Variants in KCNT1 observed in about 807,000 individuals in gnomAD.
KCNT1 encodes the protein potassium channel subfamily T member 1.
Under a neutral mutation model 147.8 loss-of-function variants are expected in KCNT1, and 78 were observed. The observed-to-expected ratio is 0.53, with a 90% CI of 0.44 to 0.64. The LOEUF (loss-of-function observed/expected upper bound fraction) is 0.64, where lower values mean the gene tolerates loss of function less well. Ranked by LOEUF, KCNT1 falls within the 30% of genes least tolerant of loss-of-function variation. The pLI, the probability that KCNT1 is intolerant of heterozygous loss-of-function variation, is 0.00. For missense variants in KCNT1, 1,419 were observed against 1,750.3 expected, an observed-to-expected ratio of 0.81 and a Z score of 3.38; for synonymous variants, 867 against 748.8, an observed-to-expected ratio of 1.16 and a Z score of -2.58.
chr9:135,771,105 G>A lies in KCNT1; in HGVS notation c.2008+10G>A, dbSNP rs752453368. On this transcript the variant is annotated intron_variant, in intron 18 of 30. Transcript: ENST00000371757. ...ATCATCGCCTCCATGGGTGAGCCGGGACAGGCGCGCGGGACTCCCTGGGCC... is the reference window on the plus strand; with the variant it reads ...ATCATCGCCTCCATGGGTGAGCCGGAACAGGCGCGCGGGACTCCCTGGGCC... The A allele has an allele frequency of 2.5e-6, 4 of 1,605,292 alleles. No individual in the cohort carries two copies. The East Asian group carries it at 6.7e-5, about 27-fold the overall frequency.
intron 1 of KCNT1, among the ~76,000 whole-genome samples, chr9:135,708,871 C>T (rs539886440): frequency 2.6e-5 from 4 of 152,260 alleles, no homozygotes; most frequent in South Asian, 2.1e-4. Context: ...GAAGTCTTTG[C>T]GGGAAAGGAC....
chr9:135,718,830 C>T (rs983954713), intron 2 of KCNT1, among the ~76,000 whole-genome samples: 4 of 152,220 alleles, frequency 2.6e-5, no homozygotes, highest in Admixed American at 2.0e-4. Flanking sequence ...ACCACAGCCT[C>T]CATCGCCCGT....
At chr9:135,755,094 A>G (rs1210842777) in intron 5 of KCNT1, 27 bp from the exon 6 acceptor site, 2 of 1,596,922 alleles carry the variant, frequency 1.3e-6, no homozygotes, top group East Asian at 4.5e-5. Flanking sequence ...GTGGTGCCCT[A>G]CTGTGCTGCC....
chr9:135,774,145 GTGTGTCTGGGTGTGTGTGGTA>G (rs1257811248), intron 19 of KCNT1, among the ~76,000 whole-genome samples: 2 of 151,526 alleles, frequency 1.3e-5, no homozygotes, highest in African/African-American at 4.8e-5. Flanking sequence ...GATATGTGAT[GTGTGTCTGGGTGTGTGTGGTA>G]TGTGTCCGTG....
intron 4 of KCNT1, 67 bp downstream of exon 4, chr9:135,751,108 T>G (rs535592534): frequency 2.8e-5 from 41 of 1,439,530 alleles, no homozygotes; most frequent in Middle Eastern, 4.2e-4. Flanking sequence ...ACTGGGCCGT[T>G]ACAGAAGCTG....
intron 11 of KCNT1, among the ~76,000 whole-genome samples, chr9:135,763,510 C>T (rs909409975): frequency 2.6e-5 from 4 of 152,108 alleles, no homozygotes; most frequent in African/African-American, 9.7e-5. Context: ...AGGACAGAAT[C>T]GGAAGTGGAG....
At chr9:135,743,137 T>C (rs1011569120) in intron 2 of KCNT1, among the ~76,000 whole-genome samples, 9 of 152,024 alleles carry the variant, frequency 5.9e-5, no homozygotes, top group African/African-American at 2.2e-4. Flanking sequence ...GGCAGGCAGC[T>C]GCTGGGGCCT....
chr9:135,732,820 C>T (rs950950926), intron 2 of KCNT1, among the ~76,000 whole-genome samples: 3 of 151,546 alleles, frequency 2.0e-5, no homozygotes, highest in Non-Finnish European at 4.4e-5. Flanking sequence ...TCCTTTCCTT[C>T]TTCCTTCCCT....
At chr9:135,759,916 A>G (rs1016363655) in intron 11 of KCNT1, 57 bp downstream of exon 11, 3 of 1,485,698 alleles carry the variant, frequency 2.0e-6, no homozygotes, top group Non-Finnish European at 1.8e-6. Context: ...GGCGGGTGCC[A>G]GTAGAGGGAG....
intron 19 of KCNT1, 119 bp from the exon 20 acceptor site, chr9:135,775,191 C>T (rs1201235495): frequency 4.5e-6 from 3 of 663,454 alleles, no homozygotes; most frequent in Non-Finnish European, 7.6e-6. Context: ...TGCGTGACCC[C>T]GAGCAACGTG....
chr9:135,743,954 T>C (rs1267108115), intron 2 of KCNT1, among the ~76,000 whole-genome samples: 1 of 152,242 alleles, frequency 6.6e-6, no homozygotes, highest in Admixed American at 6.5e-5. Flanking sequence ...GCCCCAGGGT[T>C]GGCAGTGGGC....
chr9:135,776,392 G>A (rs1056113289), intron 20 of KCNT1, among the ~76,000 whole-genome samples: 1 of 151,958 alleles, frequency 6.6e-6, no homozygotes, highest in African/African-American at 2.4e-5. Flanking sequence ...CAAGTGGCTG[G>A]GAACACAGGC....
chr9:135,750,548 A>T (rs977227040), intron 3 of KCNT1: 28 of 373,584 alleles, frequency 7.5e-5, no homozygotes, highest in Admixed American at 3.5e-4. Context: ...CCTCCCCAAC[A>T]GCTCCCTGCC....
intron 22 of KCNT1, 57 bp from the exon 23 acceptor site, chr9:135,778,631 C>T: frequency 6.2e-7 from 1 of 1,608,824 alleles, no homozygotes; most frequent in Admixed American, 1.7e-5. Flanking sequence ...ATCCCGGGGT[C>T]CTGTGGGTGG....
rs547937784 is a variant in KCNT1, at chr9:135,715,000, T to C, written c.254+280T>C. On this transcript the variant is annotated intron_variant, in intron 2 of 30. Coordinates refer to ENST00000371757, the MANE Select transcript of KCNT1 (RefSeq NM_020822.3). This position sits in a 1 kb window ranked among gnomAD's most constrained non-coding sequence, Gnocchi z 6.2. ...CGCGGAGGCGGAGGGCGGCCTGGCC[T>C]TCCGGTGTCTGCTCCCAACCCCCAG... is the stretch of plus-strand genomic sequence containing the variant. Among the ~76,000 whole-genome samples the C allele has an allele frequency of 1.9e-4, 29 of 152,298 alleles. No individual in the cohort carries two copies. Among genetic ancestry groups the C allele is most frequent in the African/African-American group, 6.7e-4 (28 of 41,578 alleles).
At chr9:135,742,354 G>A (rs1369366637) in intron 2 of KCNT1, among the ~76,000 whole-genome samples, 1 of 152,248 alleles carries the variant, frequency 6.6e-6, no homozygotes, top group East Asian at 1.9e-4. Flanking sequence ...GTGCTGAGCA[G>A]GGCCAGGGCG....
intron 2 of KCNT1, among the ~76,000 whole-genome samples, chr9:135,738,006 G>C (rs111397470): frequency 2.8e-4 from 42 of 152,312 alleles, no homozygotes; most frequent in Non-Finnish European, 5.1e-4. Flanking sequence ...TGGGGGGAAG[G>C]GGGAGGGCAG....
intron 2 of KCNT1, among the ~76,000 whole-genome samples, chr9:135,722,176 C>A (rs758089967): frequency 6.6e-6 from 1 of 152,138 alleles, no homozygotes; most frequent in Non-Finnish European, 1.5e-5. Flanking sequence ...TCAGCCTGTG[C>A]GTCTTTATGA....
At position 135,759,396 on chromosome 9, in the gene KCNT1, AG is replaced by A. The variant is rs35933412; in HGVS notation, c.855-280del. Among the ~76,000 whole-genome samples, 19,801 of 152,280 alleles carry A rather than the reference AG, an allele frequency of 0.13. 1,547 individuals are homozygous for A. The highest frequency in any genetic ancestry group is 0.18 in the South Asian group (873 of 4,830). On this transcript the variant is annotated intron_variant, in intron 10 of 30. Transcript: ENST00000371757. Reference sequence around the variant, plus strand: ...CCTAGGAGAGAGCCACCCGGCAGGCAGGGAGGCTCCGGGGAATTCGCCGTGA... The same window carrying A: ...CCTAGGAGAGAGCCACCCGGCAGGCAGGAGGCTCCGGGGAATTCGCCGTGA...
Sources: allele counts gnomAD v4.1 joint callset (sites outside exome capture counted in the v4.1 genomes callset), GRCh38; gene constraint gnomAD v4.1.1; non-coding constraint Gnocchi (gnomAD v3.1); transcripts MANE v1.5; gene names NCBI Gene and HGNC (gene_info 2026-07-23, HGNC 2026-07-21).